The following AXDND1 variants were observed in gnomAD, a reference collection of about 807,000 sequenced individuals.
The protein encoded by AXDND1 is axonemal dynein light chain domain containing 1.
AXDND1 carries 110 observed loss-of-function variants against 137.5 expected under a neutral mutation model. The ratio of observed to expected loss-of-function variants is 0.80; its 90% CI spans 0.69 to 0.94. The LOEUF (loss-of-function observed/expected upper bound fraction) is 0.94. AXDND1 is among the 40% of genes least tolerant of loss of function. AXDND1 has a pLI of 0.00. For synonymous variants in AXDND1, 414 were observed against 399.7 expected (o/e 1.04, Z -0.43); for missense variants, 1,191 against 1,169.8 (o/e 1.02, Z -0.26).
At chr1:179,368,276 C>T (rs967467239) in intron 2 of AXDND1, among the ~76,000 whole-genome samples, 1 of 152,130 alleles carries the variant, frequency 6.6e-6, no homozygotes, top group African/African-American at 2.4e-5. Context: ...CAGATTGTTC[C>T]ACTCTCATTT....
At chr1:179,375,231 T>G (rs1449533504) in intron 4 of AXDND1, among the ~76,000 whole-genome samples, 1 of 151,814 alleles carries the variant, frequency 6.6e-6, no homozygotes, top group Non-Finnish European at 1.5e-5. Flanking sequence ...CCCGAGTAGC[T>G]GGGATGACAG....
chr1:179,453,400 C>T (rs1660834118), intron 16 of AXDND1: 2 of 152,454 alleles, frequency 1.3e-5, no homozygotes, highest in Non-Finnish European at 2.9e-5. Context: ...CTGTACCGCA[C>T]AAAACCACAG....
At chr1:179,389,165 G>A (rs1329756425) in intron 9 of AXDND1, among the ~76,000 whole-genome samples, 3 of 151,678 alleles carry the variant, frequency 2.0e-5, no homozygotes, top group African/African-American at 7.3e-5. Context: ...TAGAGACGGG[G>A]TTTCACCATG....
At chr1:179,517,081 C>T (rs374165188) in intron 21 of AXDND1, among the ~76,000 whole-genome samples, 1 of 152,152 alleles carries the variant, frequency 6.6e-6, no homozygotes, top group African/African-American at 2.4e-5. Context: ...CGGGGCAGGG[C>T]TAGGCGTGTC....
At chr1:179,515,625 C>T (rs917407788) in intron 21 of AXDND1, among the ~76,000 whole-genome samples, 4 of 152,232 alleles carry the variant, frequency 2.6e-5, no homozygotes, top group East Asian at 3.9e-4. Context: ...AGATCTCTAG[C>T]GAGGCCAGGG....
chr1:179,488,602 CTT>C (rs1666354616), intron 18 of AXDND1, among the ~76,000 whole-genome samples: 3 of 87,396 alleles, frequency 3.4e-5, no homozygotes, highest in South Asian at 4.3e-4. Context: ...TTCTTTCTTT[CTT>C]TTTCTTTCTT....
chr1:179,467,347 G>T (rs569691672), intron 16 of AXDND1, among the ~76,000 whole-genome samples: 129 of 152,166 alleles, frequency 8.5e-4, no homozygotes, highest in African/African-American at 2.2e-3. Flanking sequence ...ATCCATGTCA[G>T]CCCTCTGGAT....
intron 12 of AXDND1, among the ~76,000 whole-genome samples, chr1:179,423,514 TCTCA>T (rs1386356732): frequency 6.6e-6 from 1 of 152,140 alleles, no homozygotes; most frequent in African/African-American, 2.4e-5. Context: ...TCTTTTCCTT[TCTCA>T]CTGTTTTCCT....
chr1:179,367,501 G>A (rs1667565843), intron 2 of AXDND1, among the ~76,000 whole-genome samples: 1 of 151,882 alleles, frequency 6.6e-6, no homozygotes, highest in Non-Finnish European at 1.5e-5. Flanking sequence ...GCGACAGAAC[G>A]AGACTCCGTC....
intron 17 of AXDND1, among the ~76,000 whole-genome samples, chr1:179,480,063 T>A (rs2125528830): frequency 6.6e-6 from 1 of 152,324 alleles, no homozygotes; most frequent in African/African-American, 2.4e-5. Context: ...CCTGTCTTCT[T>A]CTGAGCCCTT....
At chr1:179,407,513 C>T (rs573291544) in intron 11 of AXDND1, among the ~76,000 whole-genome samples, 1 of 152,262 alleles carries the variant, frequency 6.6e-6, no homozygotes, top group East Asian at 1.9e-4. Context: ...GCGTGAAACA[C>T]TGTGCCTGGC....
chr1:179,485,574 A>G (rs1213899210), intron 18 of AXDND1, among the ~76,000 whole-genome samples: 1 of 152,238 alleles, frequency 6.6e-6, no homozygotes, highest in African/African-American at 2.4e-5. Flanking sequence ...CTGAAGGAAC[A>G]TCAGCTCACA....
At chr1:179,382,374 C>G (rs1402149774) in intron 6 of AXDND1, among the ~76,000 whole-genome samples, 1 of 152,216 alleles carries the variant, frequency 6.6e-6, no homozygotes, top group Non-Finnish European at 1.5e-5. Flanking sequence ...AGCCACCATG[C>G]CCGGCCCATT....
At chr1:179,379,796 C>CAAAAAAA (rs5779022) in intron 6 of AXDND1, among the ~76,000 whole-genome samples, 1 of 93,628 alleles carries the variant, frequency 1.1e-5, no homozygotes, top group Non-Finnish European at 2.1e-5. Context: ...AACTCCATCT[C>CAAAAAAA]AAAAAAAAAA....
chr1:179,531,712 G>A (rs1026777740), intron 23 of AXDND1, among the ~76,000 whole-genome samples: 1 of 152,138 alleles, frequency 6.6e-6, no homozygotes, highest in Non-Finnish European at 1.5e-5. Context: ...GCAGAGCCTG[G>A]AGTGGGATCT....
At chr1:179,508,710 G>A (rs979605774) in intron 20 of AXDND1, among the ~76,000 whole-genome samples, 1 of 145,734 alleles carries the variant, frequency 6.9e-6, no homozygotes, top group Non-Finnish European at 1.5e-5. Flanking sequence ...TAGCAGTAGA[G>A]GGATTTTTTT....
chr1:179,522,469 T>C (rs1670154988), intron 21 of AXDND1, among the ~76,000 whole-genome samples: 1 of 152,132 alleles, frequency 6.6e-6, no homozygotes, highest in African/African-American at 2.4e-5. Flanking sequence ...TATTACAGCA[T>C]AGTATAATAG....
intron 18 of AXDND1, among the ~76,000 whole-genome samples, chr1:179,489,828 C>G (rs1402985401): frequency 6.6e-6 from 1 of 150,700 alleles, no homozygotes; most frequent in Non-Finnish European, 1.5e-5. Context: ...TCACTGCAAG[C>G]TCCGCCTCCC....
intron 3 of AXDND1, among the ~76,000 whole-genome samples, chr1:179,369,200 C>T (rs1018623075): frequency 3.9e-4 from 59 of 152,242 alleles, no homozygotes; most frequent in Admixed American, 2.8e-3. Flanking sequence ...ACCTCAGCTT[C>T]CTGAGTAGCT....
Sources: allele counts gnomAD v4.1 joint callset (sites outside exome capture counted in the v4.1 genomes callset), GRCh38; gene constraint gnomAD v4.1.1; transcripts MANE v1.5; gene names NCBI Gene and HGNC (gene_info 2026-07-23, HGNC 2026-07-21).